Variants in CCDC171 observed in about 807,000 individuals in gnomAD.
The protein encoded by CCDC171 is coiled-coil domain containing 171, also known as coiled-coil domain-containing protein 171.
A neutral mutation model predicts 168.2 loss-of-function variants in CCDC171; 177 were observed. That is an observed-to-expected ratio of 1.05 (90% CI 0.93 to 1.19). The LOEUF is 1.19. Ranked by LOEUF, CCDC171 falls within the 50% of genes most tolerant of loss-of-function variation. The pLI, the probability that CCDC171 is intolerant of heterozygous loss-of-function variation, is 0.00. For synonymous variants in CCDC171, 687 were observed against 540.8 expected, an observed-to-expected ratio of 1.27 and a Z score of -3.75; for missense variants, 1,991 against 1,539.0, an observed-to-expected ratio of 1.29 and a Z score of -4.91.
At chr9:15,800,677 A>T (rs2058779607) in intron 21 of CCDC171, among the ~76,000 whole-genome samples, 1 of 151,926 alleles carries the variant, frequency 6.6e-6, no homozygotes, top group Non-Finnish European at 1.5e-5. Context: ...TTTCTTAAGA[A>T]TTTTTTGCCC....
intron 21 of CCDC171, among the ~76,000 whole-genome samples, chr9:15,786,717 C>G (rs1223881133): frequency 6.6e-6 from 1 of 152,136 alleles, no homozygotes; most frequent in South Asian, 2.1e-4. Flanking sequence ...CAGCCAGTTC[C>G]TGCCTTAACT....
chr9:15,957,270 G>A (rs540520141), intron 25 of CCDC171, among the ~76,000 whole-genome samples: 2 of 152,288 alleles, frequency 1.3e-5, no homozygotes, highest in East Asian at 3.9e-4. Flanking sequence ...TTAATTGGGT[G>A]AAGCTGTGGA....
chr9:15,800,578 T>G (rs1390441698), intron 21 of CCDC171, among the ~76,000 whole-genome samples: 1 of 152,164 alleles, frequency 6.6e-6, no homozygotes, highest in African/African-American at 2.4e-5. Flanking sequence ...TTCACTTTGT[T>G]GATTGTTTCT....
intron 24 of CCDC171, among the ~76,000 whole-genome samples, chr9:15,883,434 A>C (rs1255056823): frequency 6.6e-6 from 1 of 152,116 alleles, no homozygotes; most frequent in African/African-American, 2.4e-5. Context: ...TTGCACACTA[A>C]GGTAGTGCCT....
chr9:15,937,168 A>G (rs1482852084), intron 25 of CCDC171, among the ~76,000 whole-genome samples: 3 of 152,128 alleles, frequency 2.0e-5, no homozygotes, highest in African/African-American at 7.2e-5. Context: ...TATTACACCT[A>G]AATTTTCCTG....
At chr9:15,909,180 C>G (rs1429428327) in intron 24 of CCDC171, among the ~76,000 whole-genome samples, 1 of 152,162 alleles carries the variant, frequency 6.6e-6, no homozygotes, top group East Asian at 1.9e-4. Flanking sequence ...ATTAATAAAG[C>G]AAGGCTAAGG....
intron 3 of CCDC171, among the ~76,000 whole-genome samples, chr9:16,020,005 G>T (rs1833119457): frequency 6.6e-6 from 1 of 152,154 alleles, no homozygotes; most frequent in Non-Finnish European, 1.5e-5. Flanking sequence ...TCTGCAAGGG[G>T]TATGTTCCAA....
At chr9:15,684,395 T>C (rs775311767) in intron 10 of CCDC171, among the ~76,000 whole-genome samples, 2 of 152,070 alleles carry the variant, frequency 1.3e-5, no homozygotes, top group Non-Finnish European at 2.9e-5. Flanking sequence ...TTTTCTATTA[T>C]TTTTAACCTT....
rs536782509 is a variant in CCDC171 at position 15,691,951 on chromosome 9, A to G, written c.1216-3284A>G. ...GGCCTCCCAAAGTGCTGGGATTACA[A>G]GAGTGAGCCATTGCACCCAGCCTTT... On this transcript the variant is annotated intron_variant, in intron 10 of 25. Coordinates refer to ENST00000380701, the MANE Select transcript of CCDC171 (RefSeq NM_173550.4). 5.2e-4 allele frequency among the ~76,000 whole-genome samples: 79 copies of G among 152,162 alleles called. No homozygotes were observed. In the South Asian group the frequency reaches 0.015, roughly 29 times the overall value.
chr9:15,734,827 T>C (rs1444847311), intron 16 of CCDC171, among the ~76,000 whole-genome samples: 2 of 152,130 alleles, frequency 1.3e-5, no homozygotes, highest in African/African-American at 2.4e-5. Flanking sequence ...GATAAGGACA[T>C]GAGGGGAAAA....
At chr9:15,803,717 T>C (rs1220357151) in intron 21 of CCDC171, among the ~76,000 whole-genome samples, 2 of 151,748 alleles carry the variant, frequency 1.3e-5, no homozygotes, top group African/African-American at 4.8e-5. Context: ...TTTTCTTTTT[T>C]ATTGTTGTTT....
At chr9:15,593,250 G>T (rs190925028) in intron 5 of CCDC171, among the ~76,000 whole-genome samples, 1 of 152,004 alleles carries the variant, frequency 6.6e-6, no homozygotes, top group African/African-American at 2.4e-5. Flanking sequence ...TCTTTCTCTC[G>T]CATGTAAACT....
At chr9:15,749,983 G>T (rs1004112666) in intron 18 of CCDC171, among the ~76,000 whole-genome samples, 2 of 149,722 alleles carry the variant, frequency 1.3e-5, no homozygotes, top group African/African-American at 4.9e-5. Context: ...GAGCAGAACT[G>T]AAGGAGATAG....
At chr9:16,082,603 A>G in the CCDC171 span, among the ~76,000 whole-genome samples, 1 of 152,344 alleles carries the variant, frequency 6.6e-6, no homozygotes. Context: ...TAATCAAAGT[A>G]TAACTTCTAG....
chr9:15,837,909 T>C (rs1474014490), intron 21 of CCDC171, among the ~76,000 whole-genome samples: 1 of 152,230 alleles, frequency 6.6e-6, no homozygotes, highest in Admixed American at 6.5e-5. Context: ...CTACCCTCTT[T>C]TACTTCAAAA....
At chr9:16,006,850 G>C (rs1394369752) in intron 3 of CCDC171, among the ~76,000 whole-genome samples, 1 of 152,174 alleles carries the variant, frequency 6.6e-6, no homozygotes, top group East Asian at 1.9e-4. Context: ...ATTTGGGTTG[G>C]TTCCAAGTCT....
chr9:16,006,575 T>TC (rs1194728357), intron 3 of CCDC171, among the ~76,000 whole-genome samples: 1 of 140,264 alleles, frequency 7.1e-6, no homozygotes, highest in East Asian at 2.4e-4. Context: ...ATGCTATCCC[T>TC]CCCCCCTCCC....
intron 18 of CCDC171, among the ~76,000 whole-genome samples, chr9:15,750,149 C>T (rs939453824): frequency 1.3e-5 from 2 of 151,866 alleles, no homozygotes; most frequent in African/African-American, 4.8e-5. Flanking sequence ...CACCACTGAT[C>T]CCATACAAAT....
chr9:15,599,188 A>T (rs1449971308), intron 6 of CCDC171, among the ~76,000 whole-genome samples: 1 of 152,184 alleles, frequency 6.6e-6, no homozygotes, highest in African/African-American at 2.4e-5. Flanking sequence ...TGATCCTGTC[A>T]TTATAATATT....
Sources: allele counts gnomAD v4.1 joint callset (sites outside exome capture counted in the v4.1 genomes callset), GRCh38; gene constraint gnomAD v4.1.1; transcripts MANE v1.5; gene names NCBI Gene and HGNC (gene_info 2026-07-23, HGNC 2026-07-21).